The following NCOA1 variants were observed in gnomAD, a reference collection of about 807,000 sequenced individuals.
NCOA1 encodes Hin-2 protein.
In NCOA1, 35 loss-of-function variants were observed where a neutral mutation model predicts 150.9. The ratio of observed to expected loss-of-function variants is 0.23; its 90% CI spans 0.18 to 0.31. NCOA1 has a LOEUF of 0.31. Among genes scored for constraint, NCOA1 ranks in the 10% least tolerant of loss-of-function variants. The pLI, the probability that NCOA1 is intolerant of heterozygous loss-of-function variation, is 1.00. For synonymous variants in NCOA1, 590 were observed against 630.0 expected, an observed-to-expected ratio of 0.94 and a Z score of 0.95; for missense variants, 1,491 against 1,749.3, an observed-to-expected ratio of 0.85 and a Z score of 2.63.
At chr2:24,561,187 G>C (rs1666279874) in intron 1 of NCOA1, among the ~76,000 whole-genome samples, 1 of 152,182 alleles carries the variant, frequency 6.6e-6, no homozygotes, top group African/African-American at 2.4e-5. Flanking sequence ...GTAAAGCATT[G>C]CTGGAAGAAT....
intron 1 of NCOA1, among the ~76,000 whole-genome samples, chr2:24,552,152 T>C (rs1358444811): frequency 6.6e-6 from 1 of 151,512 alleles, no homozygotes; most frequent in African/African-American, 2.4e-5. Context: ...TTTCATAAAA[T>C]TTTAGAATCA....
At chr2:24,664,829 A>G (rs1418411672) in intron 5 of NCOA1, among the ~76,000 whole-genome samples, 3 of 152,214 alleles carry the variant, frequency 2.0e-5, no homozygotes, top group African/African-American at 7.2e-5. Context: ...TATGTAGCCA[A>G]ATGATTTTGA....
chr2:24,677,516 TG>T (rs1029568806), intron 7 of NCOA1, among the ~76,000 whole-genome samples: 2 of 152,148 alleles, frequency 1.3e-5, no homozygotes, highest in African/African-American at 4.8e-5. Flanking sequence ...CTCCACCTCT[TG>T]GGTTTAAGCA....
chr2:24,631,903 G>A (rs1019798205), intron 3 of NCOA1, among the ~76,000 whole-genome samples: 9 of 152,080 alleles, frequency 5.9e-5, no homozygotes, highest in African/African-American at 2.2e-4. Context: ...TCAATGTCAG[G>A]ATAGTGGATT....
chr2:24,696,981 C>A (rs964167740), intron 10 of NCOA1, among the ~76,000 whole-genome samples: 1 of 151,906 alleles, frequency 6.6e-6, no homozygotes, highest in African/African-American at 2.4e-5. Flanking sequence ...GATTAATTGG[C>A]CCTCTGTTAA....
intron 1 of NCOA1, among the ~76,000 whole-genome samples, chr2:24,545,713 G>A (rs960487182): frequency 6.6e-6 from 1 of 152,210 alleles, no homozygotes; most frequent in South Asian, 2.1e-4. Context: ...GTGGGGAGAG[G>A]TAGATACTTG....
In NCOA1 at chr2:24,770,586, A is replaced by G. The variant is rs769051487; in HGVS notation, c.*2195A>G. The stretch of plus-strand genomic sequence containing the variant: ...GCTACTGAATAGAATTTGTTTAACA[A>G]CCTCATGGGTTGCCTCTTCATTTAC... On this transcript the variant is annotated 3_prime_UTR_variant, in exon 23 of 23. Coordinates refer to ENST00000348332, the MANE Select transcript of NCOA1 (RefSeq NM_003743.5). 1 of 211,828 alleles carries G rather than the reference A, an allele frequency of 4.7e-6. No individual in the cohort carries two copies. 13.1% of individuals were successfully genotyped at this position (211,828 alleles called of 1,614,324 possible).
intron 1 of NCOA1, among the ~76,000 whole-genome samples, chr2:24,499,693 C>G (rs1663373254): frequency 6.6e-6 from 1 of 152,032 alleles, no homozygotes; most frequent in Non-Finnish European, 1.5e-5. Context: ...GTTGGAAGCC[C>G]CTGGCTCTCA....
chr2:24,506,067 A>G (rs773848294), intron 1 of NCOA1, among the ~76,000 whole-genome samples: 6 of 151,838 alleles, frequency 4.0e-5, no homozygotes, highest in African/African-American at 7.3e-5. Context: ...GATCCACCCA[A>G]TATTTCCCAG....
chr2:24,616,133 T>C (rs1668863452), intron 3 of NCOA1, among the ~76,000 whole-genome samples: 1 of 152,092 alleles, frequency 6.6e-6, no homozygotes, highest in Admixed American at 6.5e-5. Flanking sequence ...CATTAGGTTA[T>C]ACATTAGAGG....
At chr2:24,605,330 C>CA (rs1269144752) in intron 3 of NCOA1, among the ~76,000 whole-genome samples, 3 of 152,110 alleles carry the variant, frequency 2.0e-5, no homozygotes, top group Non-Finnish European at 4.4e-5. Context: ...CACAATAAGT[C>CA]AAAGTGCAAT....
intron 7 of NCOA1, among the ~76,000 whole-genome samples, chr2:24,682,266 C>T (rs759391674): frequency 2.6e-5 from 4 of 152,178 alleles, no homozygotes; most frequent in Admixed American, 6.5e-5. Context: ...TAAGGTGCCA[C>T]AGTCAACCTC....
intron 3 of NCOA1, among the ~76,000 whole-genome samples, chr2:24,599,057 T>C (rs1349454197): frequency 6.6e-6 from 1 of 152,146 alleles, no homozygotes; most frequent in East Asian, 1.9e-4. Flanking sequence ...CTGAGAGAAT[T>C]GACAGAACTT....
At chr2:24,672,949 A>G (rs988985546) in intron 6 of NCOA1, among the ~76,000 whole-genome samples, 1 of 152,234 alleles carries the variant, frequency 6.6e-6, no homozygotes, top group African/African-American at 2.4e-5. Context: ...CTCAAAAGGA[A>G]AAATCATATT....
intron 3 of NCOA1, among the ~76,000 whole-genome samples, chr2:24,599,219 T>C (rs895344227): frequency 1.3e-5 from 2 of 152,192 alleles, no homozygotes; most frequent in Admixed American, 6.5e-5. Flanking sequence ...GATGTACACA[T>C]GTGACTCAGA....
At chr2:24,607,313 T>C (rs1057094684) in intron 3 of NCOA1, among the ~76,000 whole-genome samples, 7 of 152,120 alleles carry the variant, frequency 4.6e-5, no homozygotes, top group Non-Finnish European at 8.8e-5. Flanking sequence ...TTTTTAATTA[T>C]GAGGGATACT....
intron 1 of NCOA1, among the ~76,000 whole-genome samples, chr2:24,547,988 C>CAAAAAAAAAAAA (rs34669959): frequency 1.3e-5 from 1 of 74,942 alleles, no homozygotes; most frequent in Non-Finnish European, 2.4e-5. Context: ...GACTCTGTCT[C>CAAAAAAAAAAAA]AAAAAAAAAA....
chr2:24,514,623 G>C (rs1037121224), intron 1 of NCOA1, among the ~76,000 whole-genome samples: 1 of 151,830 alleles, frequency 6.6e-6, no homozygotes, highest in African/African-American at 2.4e-5. Flanking sequence ...GGCAACATGG[G>C]GAAACTCCAT....
At chr2:24,617,916 A>G (rs1231955281) in intron 3 of NCOA1, among the ~76,000 whole-genome samples, 1 of 152,110 alleles carries the variant, frequency 6.6e-6, no homozygotes, top group Non-Finnish European at 1.5e-5. Flanking sequence ...AGACAGTAAA[A>G]TCTCTGTGGA....
Sources: gnomAD v4.1 joint callset for allele counts (sites outside exome capture counted in the v4.1 genomes callset) on GRCh38, gnomAD v4.1.1 for gene constraint, MANE v1.5 for transcripts, NCBI Gene and HGNC (gene_info 2026-07-23, HGNC 2026-07-21) for gene names.